The following SPOPL variants were observed in gnomAD, a reference collection of about 807,000 sequenced individuals.
SPOPL encodes the protein speckle-type POZ protein-like.
SPOPL carries 23 observed loss-of-function variants against 53.8 expected under a neutral mutation model. That is an observed-to-expected ratio of 0.43 (90% CI 0.31 to 0.61). The LOEUF is 0.61. Ranked by LOEUF, SPOPL falls within the 20% of genes least tolerant of loss-of-function variation. The pLI, the probability that SPOPL is intolerant of heterozygous loss-of-function variation, is 0.12. For synonymous variants in SPOPL, 164 were observed against 149.7 expected (o/e 1.10, Z -0.70); for missense variants, 442 against 466.9 (o/e 0.95, Z 0.49).
At chr2:138,528,326 G>T (rs932105779) in intron 1 of SPOPL, among the ~76,000 whole-genome samples, 1 of 152,070 alleles carries the variant, frequency 6.6e-6, no homozygotes, top group Non-Finnish European at 1.5e-5. Flanking sequence ...GTTTTTCTTT[G>T]GGCCTCCTTG....
At chr2:138,550,081 T>A in intron 1 of SPOPL, 76 bp from the exon 2 acceptor site, 1 of 640,784 alleles carries the variant, frequency 1.6e-6, no homozygotes, top group Non-Finnish European at 2.7e-6. Context: ...GTTTCATGTC[T>A]GTTTAAATAT....
intron 5 of SPOPL, among the ~76,000 whole-genome samples, chr2:138,553,066 T>G (rs762658589): frequency 1.2e-4 from 18 of 152,096 alleles, no homozygotes; most frequent in Admixed American, 6.6e-5. Context: ...TACTGAGAAT[T>G]TATCAGTTTG....
chr2:138,547,382 G>T lies in SPOPL; in HGVS notation c.-60-2775G>T, dbSNP rs182677217. Among the ~76,000 whole-genome samples, 254 of 152,228 alleles carry T rather than the reference G, an allele frequency of 1.7e-3. 1 individual carries two copies. Among genetic ancestry groups the T allele is most frequent in the African/African-American group, 5.6e-3 (234 of 41,562 alleles). On this transcript the variant is annotated intron_variant, in intron 1 of 10. Coordinates refer to ENST00000280098, the MANE Select transcript of SPOPL (RefSeq NM_001001664.3). ...TAATAACTCTTCTAGAGATATTGAAGAACTTTCTCTTTACCCTCCAGGGTT... is the reference window on the plus strand; with the variant it reads ...TAATAACTCTTCTAGAGATATTGAATAACTTTCTCTTTACCCTCCAGGGTT...
chr2:138,562,783 CAAAAAAAAA>C (rs35397774), intron 8 of SPOPL, among the ~76,000 whole-genome samples: 1 of 64,138 alleles, frequency 1.6e-5, no homozygotes, highest in Non-Finnish European at 3.3e-5. Flanking sequence ...GATTCCATCT[CAAAAAAAAA>C]AAAAAAAAAA....
intron 1 of SPOPL, among the ~76,000 whole-genome samples, chr2:138,540,911 C>T (rs1160074469): frequency 6.6e-6 from 1 of 152,122 alleles, no homozygotes; most frequent in Non-Finnish European, 1.5e-5. Context: ...TTTTGAGATA[C>T]TTCCCATCAA....
intron 1 of SPOPL, among the ~76,000 whole-genome samples, chr2:138,544,437 C>T (rs970096954): frequency 6.6e-5 from 10 of 152,206 alleles, no homozygotes; most frequent in Admixed American, 4.6e-4. Context: ...TAGCAGTGGG[C>T]GCTCCTCCCC....
At chr2:138,557,813 T>A (rs1458468188) in intron 5 of SPOPL, among the ~76,000 whole-genome samples, 2 of 152,224 alleles carry the variant, frequency 1.3e-5, no homozygotes, top group Non-Finnish European at 2.9e-5. Context: ...TTTTTACATG[T>A]ATTAAATGTA....
At chr2:138,539,832 T>TG (rs1224215917) in intron 1 of SPOPL, among the ~76,000 whole-genome samples, 3 of 152,256 alleles carry the variant, frequency 2.0e-5, no homozygotes, top group Non-Finnish European at 2.9e-5. Context: ...CCCATGCGTA[T>TG]GTCCTGAACG....
rs372374718 is a variant in SPOPL, at chr2:138,532,291, C to G, written c.-60-17866C>G. Among the ~76,000 whole-genome samples the G allele has an allele frequency of 6.6e-5, 10 of 152,262 alleles. No individual in the cohort carries two copies. In the East Asian group the frequency reaches 1.5e-3, roughly 23 times the overall value. ...AGAATCTTTGCTGATAGTTTCACCC[C>G]ATGGCAGTGGCTCTGTCTGGGTAAA... is the stretch of plus-strand genomic sequence containing the variant. On this transcript the variant is annotated intron_variant, in intron 1 of 10. Transcript: ENST00000280098.
rs1386391836 is a variant in SPOPL at position 138,569,088 on chromosome 2, C to T, written c.*8C>T. The T allele has an allele frequency of 6.2e-7, 1 of 1,609,860 alleles. No individual in the cohort carries two copies. The highest frequency in any genetic ancestry group is 8.5e-7 in the Non-Finnish European group (1 of 1,178,524). On this transcript the variant is annotated 3_prime_UTR_variant, in exon 11 of 11. Transcript: ENST00000280098. ...CGGCTAAAACAGTCCTGAAATCTTC[C>T]ATGAACAGTTGAAAAATGGAATTGA... is the stretch of plus-strand genomic sequence containing the variant.
rs1685081056 is a variant in SPOPL at position 138,541,931 on chromosome 2, G to A, written c.-60-8226G>A. ...GAATGCATCCCAGAGATTCTGGTATGTTGTGTCTTTGTTCTCGTTGGTTTC... is the reference window on the plus strand; with the variant it reads ...GAATGCATCCCAGAGATTCTGGTATATTGTGTCTTTGTTCTCGTTGGTTTC... On this transcript the variant is annotated intron_variant, in intron 1 of 10. Coordinates refer to ENST00000280098, the MANE Select transcript of SPOPL (RefSeq NM_001001664.3). Among the ~76,000 whole-genome samples the A allele has an allele frequency of 3.3e-5, 5 of 152,084 alleles. No individual in the cohort carries two copies. In the South Asian group the frequency reaches 1.0e-3, roughly 32 times the overall value.
chr2:138,572,284 T>C lies in SPOPL; in HGVS notation c.*3204T>C, dbSNP rs1685799880. On this transcript the variant is annotated 3_prime_UTR_variant, in exon 11 of 11. Coordinates refer to ENST00000280098, the MANE Select transcript of SPOPL (RefSeq NM_001001664.3). ...GGACATCAATTATAATAAAATTGTT[T>C]TAAAATATTAACAAAGATCTCAAAA... 1.3e-5 allele frequency: 2 copies of C among 152,622 alleles called. No homozygotes were observed. The highest frequency in any genetic ancestry group is 2.4e-5 in the African/African-American group (1 of 41,448). 9.5% of individuals were successfully genotyped at this position (152,622 alleles called of 1,614,324 possible).
chr2:138,508,959 G>A (rs1684271645), intron 1 of SPOPL, among the ~76,000 whole-genome samples: 1 of 151,892 alleles, frequency 6.6e-6, no homozygotes, highest in Non-Finnish European at 1.5e-5. Context: ...CTCCTGTTTG[G>A]TATTCTTTAT....
Position 138,571,064 on chromosome 2 carries a change from A to T in SPOPL, c.*1984A>T, listed in dbSNP as rs903947620. 2 of 152,156 alleles carry T rather than the reference A, an allele frequency of 1.3e-5. No homozygotes were observed. Among genetic ancestry groups the T allele is most frequent in the African/African-American group, 4.8e-5 (2 of 41,434 alleles). 9.4% of individuals were successfully genotyped at this position (152,156 alleles called of 1,614,324 possible). ...TTCACTTCCTTAAATCCATCGTAAGATTGAGCCTCAAGTTTGCAATATACA... is the reference window on the plus strand; with the variant it reads ...TTCACTTCCTTAAATCCATCGTAAGTTTGAGCCTCAAGTTTGCAATATACA... On this transcript the variant is annotated 3_prime_UTR_variant, in exon 11 of 11. Transcript: ENST00000280098.
intron 1 of SPOPL, among the ~76,000 whole-genome samples, chr2:138,507,767 TCACTAAA>T (rs1172436021): frequency 6.6e-6 from 1 of 152,222 alleles, no homozygotes; most frequent in Non-Finnish European, 1.5e-5. Context: ...ACCCATATAG[TCACTAAA>T]TGTGGAGGTA....
At chr2:138,508,616 C>T (rs535252304) in intron 1 of SPOPL, among the ~76,000 whole-genome samples, 1 of 152,280 alleles carries the variant, frequency 6.6e-6, no homozygotes, top group African/African-American at 2.4e-5. Flanking sequence ...TAGGCTGAGC[C>T]ACTGGGTCTG....
intron 1 of SPOPL, among the ~76,000 whole-genome samples, chr2:138,545,432 T>C (rs1011043843): frequency 2.0e-5 from 3 of 151,836 alleles, no homozygotes; most frequent in Non-Finnish European, 4.4e-5. Context: ...CTGTTAAGTT[T>C]TGTTTTTGTT....
At chr2:138,542,682 T>C (rs1166214330) in intron 1 of SPOPL, among the ~76,000 whole-genome samples, 1 of 152,228 alleles carries the variant, frequency 6.6e-6, no homozygotes, top group Non-Finnish European at 1.5e-5. Context: ...GTCTTGACTC[T>C]TTATCCAGTT....
In SPOPL at chr2:138,569,161, C is replaced by A; in HGVS notation, c.*81C>A. The A allele has an allele frequency of 6.9e-7, 1 of 1,451,882 alleles. No homozygotes were observed. Among genetic ancestry groups the A allele is most frequent in the Admixed American group, 2.1e-5 (1 of 48,298 alleles). The allele number at this position is 1,451,882 out of a possible 1,614,324, so 89.9% of individuals were successfully genotyped here. A position where few individuals can be genotyped will look rare whatever the true frequency, so the allele number is the denominator to read the frequency against. ...AGGATTCTAATACACAAACCATAAG[C>A]AAGAGTTGTTTCTGTTATTTTGTCC... On this transcript the variant is annotated 3_prime_UTR_variant, in exon 11 of 11. Coordinates refer to ENST00000280098, the MANE Select transcript of SPOPL (RefSeq NM_001001664.3).
Sources: gnomAD v4.1 joint callset for allele counts (sites outside exome capture counted in the v4.1 genomes callset) on GRCh38, gnomAD v4.1.1 for gene constraint, MANE v1.5 for transcripts, NCBI Gene and HGNC (gene_info 2026-07-23, HGNC 2026-07-21) for gene names.